Variants in ERC2 observed in about 807,000 individuals in gnomAD.
ERC2 encodes ELKS/RAB6-interacting/CAST family member 2.
In ERC2, 42 loss-of-function variants were observed where a neutral mutation model predicts 114.8. That is an observed-to-expected ratio of 0.37 (90% CI 0.29 to 0.47). The LOEUF is 0.47. ERC2 is among the 20% of genes least tolerant of loss of function. The pLI is 0.99. For synonymous variants in ERC2, 454 were observed against 425.5 expected (o/e 1.07, Z -0.82); for missense variants, 939 against 1,150.7 (o/e 0.82, Z 2.66).
At chr3:55,522,637 C>T (rs2053038656) in intron 17 of ERC2, among the ~76,000 whole-genome samples, 1 of 152,182 alleles carries the variant, frequency 6.6e-6, no homozygotes, top group African/African-American at 2.4e-5. Flanking sequence ...CAGACATACT[C>T]TCTGGTTTGA....
chr3:56,119,640 G>A (rs1282709605), intron 6 of ERC2, among the ~76,000 whole-genome samples: 1 of 152,188 alleles, frequency 6.6e-6, no homozygotes, highest in Non-Finnish European at 1.5e-5. Flanking sequence ...AAAACTCCAG[G>A]AACACTGGAG....
chr3:55,799,457 A>C (rs2070853712), intron 14 of ERC2, among the ~76,000 whole-genome samples: 2 of 139,360 alleles, frequency 1.4e-5, no homozygotes, highest in Admixed American at 1.4e-4. Flanking sequence ...ATGCATATAT[A>C]TATATATATA....
At chr3:56,105,911 C>T (rs1003952226) in intron 6 of ERC2, among the ~76,000 whole-genome samples, 4 of 152,194 alleles carry the variant, frequency 2.6e-5, no homozygotes, top group Non-Finnish European at 5.9e-5. Flanking sequence ...CAGACACAAG[C>T]TGTCCTTATT....
chr3:56,389,544 A>G (rs1434657511), intron 2 of ERC2, among the ~76,000 whole-genome samples: 1 of 152,208 alleles, frequency 6.6e-6, no homozygotes, highest in African/African-American at 2.4e-5. Flanking sequence ...AGGGCCACAC[A>G]TGGTCTTGTT....
intron 6 of ERC2, among the ~76,000 whole-genome samples, chr3:56,107,262 CT>C (rs78417349): frequency 0.18 from 25,377 of 140,674 alleles, 2,155 homozygotes; most frequent in Admixed American, 0.28. Context: ...ATTAAATCCA[CT>C]TTTTTTTTTT....
intron 14 of ERC2, among the ~76,000 whole-genome samples, chr3:55,836,631 G>A: frequency 6.6e-6 from 1 of 151,988 alleles, no homozygotes; most frequent in Non-Finnish European, 1.5e-5. Flanking sequence ...TTAAACGTTA[G>A]ACCTAAAACC....
At chr3:56,292,448 G>C (rs1022623961) in intron 3 of ERC2, among the ~76,000 whole-genome samples, 1 of 151,434 alleles carries the variant, frequency 6.6e-6, no homozygotes, top group Admixed American at 6.6e-5. Flanking sequence ...AAAATAGCCA[G>C]GCATCGTGGC....
intron 17 of ERC2, among the ~76,000 whole-genome samples, chr3:55,575,389 T>C (rs1236164761): frequency 6.6e-6 from 1 of 152,192 alleles, no homozygotes; most frequent in Middle Eastern, 3.2e-3. Flanking sequence ...ACCAACAGAA[T>C]ACAGTGGATA....
At chr3:56,036,530 AC>A (rs749022195) in intron 7 of ERC2, among the ~76,000 whole-genome samples, 7 of 152,162 alleles carry the variant, frequency 4.6e-5, no homozygotes, top group Non-Finnish European at 1.0e-4. Flanking sequence ...ACCAGGAAGA[AC>A]GAAAACGGCA....
At chr3:56,351,495 A>T (rs777965610) in intron 2 of ERC2, among the ~76,000 whole-genome samples, 4 of 152,216 alleles carry the variant, frequency 2.6e-5, no homozygotes, top group Non-Finnish European at 5.9e-5. Flanking sequence ...ACCTGAAAGA[A>T]AGGGAAAGAG....
At chr3:56,079,253 G>A (rs778062985) in intron 7 of ERC2, among the ~76,000 whole-genome samples, 7 of 151,956 alleles carry the variant, frequency 4.6e-5, no homozygotes, top group Non-Finnish European at 7.4e-5. Flanking sequence ...TCACGAAAGC[G>A]CTTCCATTTT....
rs181411317 is a variant in ERC2 at position 56,022,573 on chromosome 3, A to G, written c.1642-3542T>C. Among the ~76,000 whole-genome samples, 3 of 152,316 alleles carry G rather than the reference A, an allele frequency of 2.0e-5. No individual in the cohort carries two copies. The East Asian group carries it at 5.8e-4, about 29-fold the overall frequency. ...TATCTTTTAAAAAAAAGTACTGCAC[A>G]GTTTTCTCATGTTCACAAATTGTTA... On this transcript the variant is annotated intron_variant, in intron 7 of 17. Transcript: ENST00000288221.
rs551663710 is a variant in ERC2, at chr3:55,826,992, C to A, written c.2564+61397G>T. On this transcript the variant is annotated intron_variant, in intron 14 of 17. Transcript: ENST00000288221. Reference sequence around the variant, plus strand: ...ACAGCCTGTTTCATTTTAATAGCAGCCTCACTTTACTTCTTACTGACAATG... The same window carrying A: ...ACAGCCTGTTTCATTTTAATAGCAGACTCACTTTACTTCTTACTGACAATG... 4.6e-5 allele frequency among the ~76,000 whole-genome samples: 7 copies of A among 152,308 alleles called. No homozygotes were observed. The East Asian group carries it at 1.4e-3, about 29-fold the overall frequency.
At chr3:56,271,134 C>A (rs559278360) in intron 3 of ERC2, among the ~76,000 whole-genome samples, 3 of 152,180 alleles carry the variant, frequency 2.0e-5, no homozygotes, top group Admixed American at 6.5e-5. Flanking sequence ...ATGAAGCAAC[C>A]CAGTGGTTCC....
chr3:56,105,660 C>T (rs541447248), intron 6 of ERC2, among the ~76,000 whole-genome samples: 6 of 152,238 alleles, frequency 3.9e-5, no homozygotes, highest in South Asian at 2.1e-4. Context: ...ACTAGACTTA[C>T]GTTTTAACAG....
At chr3:55,615,575 A>AG (rs1423678456) in intron 17 of ERC2, among the ~76,000 whole-genome samples, 2 of 152,320 alleles carry the variant, frequency 1.3e-5, no homozygotes, top group Middle Eastern at 3.4e-3. Context: ...CCCCAGGGAA[A>AG]GGTCTTAGCA....
chr3:55,937,059 G>A (rs898778355), intron 13 of ERC2, among the ~76,000 whole-genome samples: 4 of 152,168 alleles, frequency 2.6e-5, no homozygotes, highest in African/African-American at 7.2e-5. Flanking sequence ...AGCAATTACA[G>A]GCCGGGCACA....
At chr3:56,421,867 G>C (rs1258779797) in intron 2 of ERC2, among the ~76,000 whole-genome samples, 1 of 151,944 alleles carries the variant, frequency 6.6e-6, no homozygotes, top group Non-Finnish European at 1.5e-5. Flanking sequence ...ATGGGTTTCT[G>C]CTACTTGCAA....
At chr3:56,427,081 AC>A (rs1182520774) in intron 2 of ERC2, among the ~76,000 whole-genome samples, 2 of 150,538 alleles carry the variant, frequency 1.3e-5, no homozygotes, top group East Asian at 3.9e-4. Context: ...GGATCACTTA[AC>A]CCCAGGGAGG....
Sources: allele counts gnomAD v4.1 joint callset (sites outside exome capture counted in the v4.1 genomes callset), GRCh38; gene constraint gnomAD v4.1.1; transcripts MANE v1.5; gene names NCBI Gene and HGNC (gene_info 2026-07-23, HGNC 2026-07-21).